RP1: variants seen among roughly 807,000 people sequenced by gnomAD.
RP1 encodes RP1 axonemal microtubule associated, also known as oxygen-regulated protein 1.
A neutral mutation model predicts 14.8 loss-of-function variants in RP1; 16 were observed. That is an observed-to-expected ratio of 1.08 (90% CI 0.73 to 1.65). The LOEUF (loss-of-function observed/expected upper bound fraction) is 1.65. Among genes scored for constraint, RP1 ranks in the 40% most tolerant of loss-of-function variants. The pLI is 0.00. For missense variants in RP1, 2,631 were observed against 2,535.0 expected (o/e 1.04, Z -0.81); for synonymous variants, 876 against 883.6 (o/e 0.99, Z 0.15).
chr8:54,843,502 C>T (rs1047043261), intron 25 of RP1, among the ~76,000 whole-genome samples: 3 of 152,190 alleles, frequency 2.0e-5, no homozygotes, highest in Non-Finnish European at 4.4e-5. Flanking sequence ...CAGACTGGAA[C>T]TGAACTGTCT....
At chr8:54,842,268 C>T (rs967090740) in intron 25 of RP1, among the ~76,000 whole-genome samples, 2 of 152,242 alleles carry the variant, frequency 1.3e-5, no homozygotes, top group East Asian at 1.9e-4. Flanking sequence ...CTATGTGAAT[C>T]GGGGCAAGTG....
chr8:54,653,367 C>A (rs1806693918), intron 5 of RP1, among the ~76,000 whole-genome samples: 2 of 152,148 alleles, frequency 1.3e-5, no homozygotes, highest in Non-Finnish European at 2.9e-5. Flanking sequence ...GCATGATTGT[C>A]AGTAAATGCA....
intron 5 of RP1, among the ~76,000 whole-genome samples, chr8:54,653,846 T>A (rs148210324): frequency 1.3e-3 from 200 of 152,308 alleles, no homozygotes; most frequent in African/African-American, 4.6e-3. Context: ...TATGACAATA[T>A]CTTTTTTTCT....
At chr8:54,838,487 G>A (rs774208659) in intron 25 of RP1, among the ~76,000 whole-genome samples, 4 of 152,174 alleles carry the variant, frequency 2.6e-5, no homozygotes, top group Non-Finnish European at 5.9e-5. Flanking sequence ...GCGAGTGTTT[G>A]AGTGTATGTG....
At position 54,752,736 on chromosome 8, in the gene RP1, C is replaced by A. The variant is rs1809407113; in HGVS notation, c.2809-2067C>A. On this transcript the variant is annotated intron_variant, in intron 19 of 22. Transcript: ENST00000636932. ...CTCACACTGGGACCATGTAGACACA[C>A]CAGTTTCTCTAACATGCAGAGCTTC... 7.2e-5 allele frequency among the ~76,000 whole-genome samples: 11 copies of A among 152,222 alleles called. No individual in the cohort carries two copies. The South Asian group carries it at 2.3e-3, about 32-fold the overall frequency.
intron 1 of RP1, among the ~76,000 whole-genome samples, chr8:54,565,302 T>C (rs1008568519): frequency 1.3e-5 from 2 of 152,134 alleles, no homozygotes; most frequent in African/African-American, 4.8e-5. Flanking sequence ...TGGTGGCTCA[T>C]GCCTGTAATC....
intron 17 of RP1, among the ~76,000 whole-genome samples, chr8:54,728,407 A>G (rs1808711225): frequency 6.6e-6 from 1 of 152,134 alleles, no homozygotes; most frequent in Admixed American, 6.6e-5. Flanking sequence ...TAGTTGAAAA[A>G]CACTTTAGAA....
At chr8:54,802,557 CA>C (rs1810739291) in intron 24 of RP1, among the ~76,000 whole-genome samples, 1 of 152,130 alleles carries the variant, frequency 6.6e-6, no homozygotes, top group South Asian at 2.1e-4. Flanking sequence ...TCCACTTTCT[CA>C]AAAAGCATTT....
chr8:54,644,249 A>ATT (rs1455116086), intron 3 of RP1, among the ~76,000 whole-genome samples: 1 of 152,172 alleles, frequency 6.6e-6, no homozygotes, highest in African/African-American at 2.4e-5. Context: ...AACCTAGCAA[A>ATT]TTTCATTAGA....
At chr8:54,665,555 A>G (rs443331) in intron 7 of RP1, among the ~76,000 whole-genome samples, 32,562 of 152,158 alleles carry the variant, frequency 0.21, 4,147 homozygotes, top group East Asian at 0.42. Flanking sequence ...GCAGAAACTC[A>G]GAGCTGGAGT....
At chr8:54,715,940 A>T (rs1808394526) in intron 15 of RP1, among the ~76,000 whole-genome samples, 1 of 152,238 alleles carries the variant, frequency 6.6e-6, no homozygotes, top group Non-Finnish European at 1.5e-5. Flanking sequence ...ACCAGAAGTA[A>T]GTACCAAGTT....
At chr8:54,807,674 C>CA (rs1563382195) in intron 24 of RP1, among the ~76,000 whole-genome samples, 10 of 75,902 alleles carry the variant, frequency 1.3e-4, no homozygotes, top group Admixed American at 5.4e-4. Flanking sequence ...ATCTATCTAT[C>CA]TATTTATCTA....
chr8:54,765,444 G>A (rs1809738262), intron 22 of RP1, among the ~76,000 whole-genome samples: 3 of 152,242 alleles, frequency 2.0e-5, no homozygotes. Flanking sequence ...GGGCAGCCCT[G>A]TTTGAACAGC....
chr8:54,596,255 G>T (rs566550182), intron 1 of RP1, among the ~76,000 whole-genome samples: 5 of 152,294 alleles, frequency 3.3e-5, no homozygotes, highest in African/African-American at 1.2e-4. Flanking sequence ...AAATTCCATT[G>T]TGATTTTTGG....
rs1429492806 is a variant in RP1, at chr8:54,625,502, T to G, written c.1620T>G (p.Leu540=). 6.2e-7 allele frequency: 1 copy of G among 1,614,008 alleles called. No individual in the cohort carries two copies. Among genetic ancestry groups the G allele is most frequent in the Non-Finnish European group, 8.5e-7 (1 of 1,180,006 alleles). Residue 540 remains leucine (L), a synonymous_variant, in exon 4 of 4, where the codon CTT becomes CTG. Transcript: ENST00000220676. Reference sequence around the variant, plus strand: ...AAAGAAAAAAGGAAAACAGTCTGCTTAAGTCAAGTGCAATAAGTGCTGGTG... The same window carrying G: ...AAAGAAAAAAGGAAAACAGTCTGCTGAAGTCAAGTGCAATAAGTGCTGGTG... ...SLERKKENSL[L]KSSAISAGVI...
chr8:54,838,122 A>G (rs1811705692), intron 25 of RP1, among the ~76,000 whole-genome samples: 1 of 152,230 alleles, frequency 6.6e-6, no homozygotes, highest in Non-Finnish European at 1.5e-5. Context: ...GTGACAATAT[A>G]TATCCAAGAA....
At chr8:54,663,564 T>C (rs969112537) in intron 6 of RP1, 22 of 747,962 alleles carry the variant, frequency 2.9e-5, no homozygotes, top group Admixed American at 7.4e-5. Flanking sequence ...ATAGAATTTT[T>C]TACTGCCTGT....
At position 54,628,351 on chromosome 8, in the gene RP1, C is replaced by T. The variant is rs1806140552; in HGVS notation, c.4469C>T (p.Thr1490Ile). 1 of 1,613,652 alleles carries T rather than the reference C, an allele frequency of 6.2e-7. No individual in the cohort carries two copies. The highest frequency in any genetic ancestry group is 1.7e-5 in the Admixed American group (1 of 59,994). ...NTVVNGGEQA[T>I]EELIQEEVEA... ...GTGGTAAATGGAGGAGAGCAAGCCA[C>T]TGAAGAATTAATCCAAGAAGAGGTA... Residue 1490 changes from threonine to isoleucine, a missense_variant, in exon 4 of 4, where the codon ACT becomes ATT. Physicochemically the swap from Thr to Ile is moderately conservative, Grantham distance 89 (BLOSUM62 -1). Transcript: ENST00000220676.
At chr8:54,726,498 C>T in intron 17 of RP1, 1 of 1,513,348 alleles carries the variant, frequency 6.6e-7, no homozygotes, top group South Asian at 1.3e-5. Flanking sequence ...CTTTTGCTTT[C>T]ATACTTTTGG....
Sources: allele counts gnomAD v4.1 joint callset (sites outside exome capture counted in the v4.1 genomes callset), GRCh38; gene constraint gnomAD v4.1.1; transcripts MANE v1.5; gene names NCBI Gene and HGNC (gene_info 2026-07-23, HGNC 2026-07-21).